Variants in WWOX observed in about 807,000 individuals in gnomAD.
The protein encoded by WWOX is WW domain-containing oxidoreductase.
WWOX carries 69 observed loss-of-function variants against 46.2 expected under a neutral mutation model. That is an observed-to-expected ratio of 1.49 (90% confidence interval 1.23 to 1.82). WWOX has a LOEUF of 1.82. Among genes scored for constraint, WWOX ranks in the 40% most tolerant of loss-of-function variants. The probability of loss-of-function intolerance (pLI) is 0.00; values close to 1 mark genes in which losing one functional copy is unlikely to be tolerated. For missense variants in WWOX, 919 were observed against 542.6 expected (o/e 1.69, Z -6.89); for synonymous variants, 359 against 202.6 (o/e 1.77, Z -6.56).
intron 8 of WWOX, among the ~76,000 whole-genome samples, chr16:78,507,806 C>T (rs909448127): frequency 3.9e-5 from 6 of 152,086 alleles, no homozygotes; most frequent in Non-Finnish European, 8.8e-5. Flanking sequence ...ATTAATAAGG[C>T]GTGAAAGATC....
intron 8 of WWOX, among the ~76,000 whole-genome samples, chr16:78,858,324 A>G (rs915415247): frequency 9.7e-6 from 1 of 102,764 alleles, no homozygotes; most frequent in Non-Finnish European, 2.1e-5. Flanking sequence ...GTAGTCATAT[A>G]TATATATGTG....
chr16:78,475,622 G>C (rs1385753875), intron 8 of WWOX, among the ~76,000 whole-genome samples: 1 of 152,020 alleles, frequency 6.6e-6, no homozygotes, highest in African/African-American at 2.4e-5. Flanking sequence ...TTTCATTTAA[G>C]ACAGCGTCTG....
intron 8 of WWOX, among the ~76,000 whole-genome samples, chr16:78,809,225 T>G (rs1347107425): frequency 2.0e-5 from 3 of 151,026 alleles, no homozygotes; most frequent in African/African-American, 7.3e-5. Context: ...TCCTATAACT[T>G]GAAATGGTTG....
At chr16:78,522,770 G>A (rs909599726) in intron 8 of WWOX, among the ~76,000 whole-genome samples, 1 of 152,160 alleles carries the variant, frequency 6.6e-6, no homozygotes, top group African/African-American at 2.4e-5. Context: ...ATATCTGGTA[G>A]GGTTAAAAAT....
chr16:79,182,080 C>CCCCACCCCACCCCACCCTAA (rs2050923542), intron 8 of WWOX, among the ~76,000 whole-genome samples: 1 of 150,708 alleles, frequency 6.6e-6, no homozygotes, highest in African/African-American at 2.5e-5. Flanking sequence ...CCCCACCCTA[C>CCCCACCCCACCCCACCCTAA]CCAAAGGATG....
Position 78,262,052 on chromosome 16 carries a change from T to C in WWOX, c.516+97763T>C, listed in dbSNP as rs192547888. On this transcript the variant is annotated intron_variant, in intron 5 of 8. Transcript: ENST00000566780. ...TTGCAGTGAGTTGAGAGCATGCCAT[T>C]GCGCTCTGCTCCAGCCTGGGCAAAA... is the stretch of plus-strand genomic sequence containing the variant. Among the ~76,000 whole-genome samples, 3 of 133,884 alleles carry C rather than the reference T, an allele frequency of 2.2e-5. No homozygotes were observed. The East Asian group carries it at 6.9e-4, about 31-fold the overall frequency. The allele number at this position is 133,884 out of a possible 152,430, so 87.8% of individuals were successfully genotyped here.
chr16:79,108,340 C>G (rs547299354), intron 8 of WWOX, among the ~76,000 whole-genome samples: 1 of 152,340 alleles, frequency 6.6e-6, no homozygotes, highest in African/African-American at 2.4e-5. Flanking sequence ...TTCTAAATAG[C>G]TGAGCTGCGT....
At chr16:78,200,487 C>T (rs1241407647) in intron 5 of WWOX, among the ~76,000 whole-genome samples, 1 of 150,014 alleles carries the variant, frequency 6.7e-6, no homozygotes, top group African/African-American at 2.5e-5. Context: ...TGAGGGCTCA[C>T]ACTGGTCTTG....
chr16:79,193,358 C>T (rs906227424), intron 8 of WWOX, among the ~76,000 whole-genome samples: 1 of 152,220 alleles, frequency 6.6e-6, no homozygotes, highest in Non-Finnish European at 1.5e-5. Context: ...ACAGAGGAGA[C>T]TTCAGTCGAT....
chr16:78,832,220 GC>G (rs1285392821), intron 8 of WWOX, among the ~76,000 whole-genome samples: 1 of 152,124 alleles, frequency 6.6e-6, no homozygotes. Context: ...CACTGATGTG[GC>G]TTTTAGCAGG....
chr16:78,425,333 C>T (rs2083051825), intron 7 of WWOX, among the ~76,000 whole-genome samples: 1 of 152,282 alleles, frequency 6.6e-6, no homozygotes, highest in African/African-American at 2.4e-5. Flanking sequence ...TTGATGAAAT[C>T]TGAATGGCAT....
chr16:79,075,666 C>T (rs1030269685), intron 8 of WWOX, among the ~76,000 whole-genome samples: 3 of 151,966 alleles, frequency 2.0e-5, no homozygotes, highest in African/African-American at 7.3e-5. Context: ...GATTCTCCTG[C>T]CTTAGCCTCC....
chr16:79,012,376 G>C (rs187116248), intron 8 of WWOX, among the ~76,000 whole-genome samples: 4 of 152,090 alleles, frequency 2.6e-5, no homozygotes, highest in Non-Finnish European at 5.9e-5. Context: ...GAGATTACAG[G>C]TGTCTGCCAC....
intron 8 of WWOX, among the ~76,000 whole-genome samples, chr16:78,584,973 G>A (rs938539855): frequency 1.3e-5 from 2 of 152,200 alleles, no homozygotes. Flanking sequence ...AGGTGCCTGA[G>A]GGTTGGGTGC....
chr16:78,298,042 C>A (rs1019789920), intron 5 of WWOX, among the ~76,000 whole-genome samples: 2 of 152,182 alleles, frequency 1.3e-5, no homozygotes, highest in Admixed American at 1.3e-4. Flanking sequence ...CTTTTCCCCA[C>A]TTTGCTCTGT....
At chr16:78,934,220 C>G (rs2045686230) in intron 8 of WWOX, among the ~76,000 whole-genome samples, 1 of 151,326 alleles carries the variant, frequency 6.6e-6, no homozygotes, top group Admixed American at 6.6e-5. Context: ...TCCCTGTAAT[C>G]CCAGCTACTC....
At chr16:78,409,819 C>G (rs74325733) in intron 6 of WWOX, among the ~76,000 whole-genome samples, 3,551 of 152,260 alleles carry the variant, frequency 0.023, 129 homozygotes, top group African/African-American at 0.082. Flanking sequence ...AGCACTGTTG[C>G]ATCTCTGACC....
chr16:78,871,492 C>G (rs2044127489), intron 8 of WWOX, among the ~76,000 whole-genome samples: 2 of 152,184 alleles, frequency 1.3e-5, no homozygotes, highest in African/African-American at 2.4e-5. Flanking sequence ...AGAAATGAGT[C>G]CTGTGAGACA....
chr16:78,996,151 A>ATT (rs35035488), intron 8 of WWOX: 100,321 of 872,924 alleles, frequency 0.11, 3,092 homozygotes, highest in East Asian at 0.21. Context: ...CTTTTTTTTA[A>ATT]TTTTTTTTTT....
Sources: allele counts gnomAD v4.1 joint callset (sites outside exome capture counted in the v4.1 genomes callset), GRCh38; gene constraint gnomAD v4.1.1; transcripts MANE v1.5; gene names NCBI Gene and HGNC (gene_info 2026-07-23, HGNC 2026-07-21).